The following CRELD2 variants were observed in gnomAD, a reference collection of about 807,000 sequenced individuals.
The protein encoded by CRELD2 is CRELD disulfide isomerase 2, also known as protein disulfide isomerase CRELD2.
A neutral mutation model predicts 48.1 loss-of-function variants in CRELD2; 33 were observed. The ratio of observed to expected loss-of-function variants is 0.69; its 90% CI spans 0.52 to 0.92. The LOEUF (loss-of-function observed/expected upper bound fraction) is 0.92, where lower values mean the gene tolerates loss of function less well. Ranked by LOEUF, CRELD2 falls within the 40% of genes least tolerant of loss-of-function variation. CRELD2 has a pLI of 0.00. For missense variants in CRELD2, 477 were observed against 482.4 expected (o/e 0.99, Z 0.10); for synonymous variants, 220 against 203.9 (o/e 1.08, Z -0.67).
In CRELD2 at chr22:49,924,419, ATC is replaced by A. The variant is rs763101788; in HGVS notation, c.836_837del (p.Ser279TrpfsTer42). On this transcript the variant is annotated frameshift_variant, in exon 8 of 10. Coordinates refer to ENST00000328268, the MANE Select transcript of CRELD2 (RefSeq NM_024324.5). LOFTEE classifies it high-confidence loss of function. ...GEGPGNCKECISGYAREHGQC... is the reference protein window; with the variant it reads ...GEGPGNCKECXSGYAREHGQC... Reference sequence around the variant, plus strand: ...AGGCCCAGGAAACTGTAAAGAGTGTATCTCTGGCTACGCGAGGGAGCACGGAC... The same window carrying A: ...AGGCCCAGGAAACTGTAAAGAGTGTATCTGGCTACGCGAGGGAGCACGGAC... 2 of 1,612,286 alleles carry A rather than the reference ATC, an allele frequency of 1.2e-6. No individual in the cohort carries two copies. Among genetic ancestry groups the A allele is most frequent in the Admixed American group, 3.3e-5 (2 of 59,886 alleles).
chr22:49,925,004 G>T (rs543804240), intron 8 of CRELD2: 1 of 162,946 alleles, frequency 6.1e-6, no homozygotes, highest in South Asian at 1.4e-4. Context: ...GGTGGCGGGC[G>T]CCTGTAGTCC....
intron 4 of CRELD2, 138 bp downstream of exon 4, chr22:49,920,385 C>T: frequency 1.6e-6 from 1 of 611,968 alleles, no homozygotes; most frequent in Non-Finnish European, 2.9e-6. Flanking sequence ...CGGATGGCTG[C>T]CTCCCCCATC....
Position 49,920,204 on chromosome 22 carries a change from G to A in CRELD2, c.372G>A (p.Leu124=). ...TCGAGTGGTTTTGTGTGAAGACACT[G>A]AAAGTGTGCTGCTCTCCAGGAACCT... ...DLFEWFCVKT[L]KVCCSPGTYG... Residue 124 remains leucine (L), a synonymous_variant, in exon 4 of 10, where the codon CTG becomes CTA. Transcript: ENST00000328268. 4 of 1,613,578 alleles carry A rather than the reference G, an allele frequency of 2.5e-6. No homozygotes were observed. Among genetic ancestry groups the A allele is most frequent in the Non-Finnish European group, 3.4e-6 (4 of 1,179,782 alleles).
At chr22:49,922,732 G>A (rs2060705242) in intron 6 of CRELD2, 25 bp downstream of exon 6, 1 of 1,478,286 alleles carries the variant, frequency 6.8e-7, no homozygotes. Flanking sequence ...GGGGGTGGAG[G>A]AGGGCGCCTG....
At chr22:49,923,089 A>T in intron 6 of CRELD2, 145 bp from the exon 7 acceptor site, 1 of 634,154 alleles carries the variant, frequency 1.6e-6, no homozygotes, top group Non-Finnish European at 2.7e-6. Context: ...ATGGCATTTG[A>T]GATGATTCCT....
rs74510325 is a variant in CRELD2 at position 49,921,734 on chromosome 22, C to G, written c.565C>G (p.Arg189Gly). Residue 189 changes from arginine to glycine, a missense_variant, in exon 5 of 10, where the codon CGG (arginine) becomes GGG (glycine). Transcript: ENST00000328268. ...DCMDGYFSSL[R>G]NETHSICTAC... ...CATGGACGGCTACTTCAGCTCGCTCCGGAACGAGACCCACAGCATCTGCAC... is the reference window on the plus strand; with the variant it reads ...CATGGACGGCTACTTCAGCTCGCTCGGGAACGAGACCCACAGCATCTGCAC... 0.029 allele frequency: 46,509 copies of G among 1,612,260 alleles called. 828 individuals are homozygous for G. The highest frequency in any genetic ancestry group is 0.034 in the Non-Finnish European group (40,533 of 1,179,618).
At chr22:49,927,215 T>G (rs1316008275) in intron 9 of CRELD2, 40 bp from the exon 10 acceptor site, 1 of 1,594,842 alleles carries the variant, frequency 6.3e-7, no homozygotes, top group African/African-American at 1.3e-5. Flanking sequence ...CCAGGGCCCT[T>G]TGTGCTCAGC....
chr22:49,921,510 G>T (rs1416981758), intron 4 of CRELD2, 75 bp from the exon 5 acceptor site: 8 of 1,467,840 alleles, frequency 5.5e-6, no homozygotes, highest in African/African-American at 4.2e-5. Context: ...TGGGTGCCAT[G>T]CGTTCTCTCC....
At chr22:49,921,063 T>TCCACACGCCACACG (rs75850292) in intron 4 of CRELD2, among the ~76,000 whole-genome samples, 5 of 151,990 alleles carry the variant, frequency 3.3e-5, no homozygotes, top group South Asian at 2.1e-4. Context: ...CAGCGTGCAC[T>TCCACACGCCACACG]CCACACGCCA....
chr22:49,924,524 G>A (rs1402619923), intron 8 of CRELD2, 69 bp downstream of exon 8: 1 of 1,170,964 alleles, frequency 8.5e-7, no homozygotes, highest in Non-Finnish European at 1.2e-6. Context: ...AATGGCCCCA[G>A]CAGGTACTGC....
At chr22:49,922,219 C>T in intron 5 of CRELD2, 2 of 1,480,756 alleles carry the variant, frequency 1.4e-6, no homozygotes, top group East Asian at 4.8e-5. Flanking sequence ...GGCCGGCAGC[C>T]CCTAGGCTAT....
Position 49,923,310 on chromosome 22 carries a change from G to T in CRELD2, c.765G>T (p.Thr255=). 1.2e-6 allele frequency: 2 copies of T among 1,609,034 alleles called. No individual in the cohort carries two copies. The highest frequency in any genetic ancestry group is 1.7e-6 in the Non-Finnish European group (2 of 1,178,534). ...QFCKNANGSY[T]CEECDSSCVG... ...GTAAGAACGCCAACGGCTCCTACAC[G>T]TGCGAAGGTGGGCCAGGCGGGCGGG... Residue 255 remains threonine (T), a synonymous_variant, in exon 7 of 10, where the codon ACG becomes ACT. Transcript: ENST00000328268.
intron 9 of CRELD2, 144 bp from the exon 10 acceptor site, chr22:49,927,111 G>A (rs1056739815): frequency 1.6e-5 from 12 of 738,632 alleles, no homozygotes; most frequent in Non-Finnish European, 2.2e-5. Context: ...GGGGGTCTCC[G>A]AGCTGCCCTT....
intron 7 of CRELD2, 37 bp downstream of exon 7, chr22:49,923,354 C>CACT (rs58876072): frequency 5.9e-6 from 9 of 1,528,632 alleles, no homozygotes; most frequent in South Asian, 1.1e-5. Context: ...CCGGGGCCTG[C>CACT]CGGGTTTCGT....
At position 49,919,230 on chromosome 22, in the gene CRELD2, G is replaced by C; in HGVS notation, c.130G>C (p.Gly44Arg). ...CACTATGGGCACTGTCTCCTCGCAGGGGATGGTGGACACCGCAAAGAAGAA... is the reference window on the plus strand; with the variant it reads ...CACTATGGGCACTGTCTCCTCGCAGCGGATGGTGGACACCGCAAAGAAGAA... ...CRGLVDKFNQ[G>R]MVDTAKKNFG... Residue 44 changes from glycine (G) to arginine (R), a missense_variant and splice_region_variant, in exon 2 of 10, where the codon GGG becomes CGG. Transcript: ENST00000328268. 1 of 1,613,662 alleles carries C rather than the reference G, an allele frequency of 6.2e-7. No homozygotes were observed. The highest frequency in any genetic ancestry group is 8.5e-7 in the Non-Finnish European group (1 of 1,179,968).
At position 49,927,300 on chromosome 22, in the gene CRELD2, A is replaced by G. The variant is rs1251942028; in HGVS notation, c.1055A>G (p.Asp352Gly). 27 of 1,611,992 alleles carry G rather than the reference A, an allele frequency of 1.7e-5. No homozygotes were observed. The highest frequency in any genetic ancestry group is 2.3e-5 in the Non-Finnish European group (27 of 1,179,408). ...ESPTQLPSRE[D>G]L ...CCGACACAGCTGCCCTCCCGCGAAGACCTGTAATGTGCCGGACTTACCCTT... is the reference window on the plus strand; with the variant it reads ...CCGACACAGCTGCCCTCCCGCGAAGGCCTGTAATGTGCCGGACTTACCCTT... The change falls in exon 10 of 10, where the codon GAC (aspartate) becomes GGC (glycine). Residue 352 changes from aspartate to glycine, a missense_variant. Asp to Gly is a moderately conservative substitution (Grantham distance 94, BLOSUM62 -1). Coordinates refer to ENST00000328268, the MANE Select transcript of CRELD2 (RefSeq NM_024324.5).
At chr22:49,927,162 C>G (rs2060776651) in intron 9 of CRELD2, 93 bp from the exon 10 acceptor site, 1 of 1,131,930 alleles carries the variant, frequency 8.8e-7, no homozygotes, top group African/African-American at 1.5e-5. Flanking sequence ...ACTGGACGGG[C>G]AGGCCCTGCA....
intron 1 of CRELD2, 69 bp downstream of exon 1, chr22:49,918,967 C>T: frequency 2.4e-6 from 3 of 1,264,102 alleles, no homozygotes; most frequent in South Asian, 1.7e-5. Context: ...TCCGGGGTCG[C>T]CCCACCTTGG....
chr22:49,922,254 G>A lies in CRELD2; in HGVS notation c.593-358G>A, dbSNP rs117735284. On this transcript the variant is annotated intron_variant, in intron 5 of 9. Coordinates refer to ENST00000328268, the MANE Select transcript of CRELD2 (RefSeq NM_024324.5). ...TTCTGGGCAGACAGACCCGTGGATC[G>A]ATAGTCAGGACCGGCCTCTCCGATT... is the stretch of plus-strand genomic sequence containing the variant. The A allele has an allele frequency of 5.1e-6, 8 of 1,563,836 alleles. No homozygotes were observed. In the East Asian group the frequency reaches 9.2e-5, roughly 18 times the overall value.
Sources: allele counts gnomAD v4.1 joint callset (sites outside exome capture counted in the v4.1 genomes callset), GRCh38; gene constraint gnomAD v4.1.1; transcripts MANE v1.5; gene names NCBI Gene and HGNC (gene_info 2026-07-23, HGNC 2026-07-21).